KCTD2: variants seen among roughly 807,000 people sequenced by gnomAD.
KCTD2 encodes potassium channel tetramerization domain containing 2.
KCTD2 carries 18 observed loss-of-function variants against 27.9 expected under a neutral mutation model. That is an observed-to-expected ratio of 0.64 (90% CI 0.45 to 0.96). KCTD2 has a LOEUF of 0.96. Among genes scored for constraint, KCTD2 ranks in the 40% least tolerant of loss-of-function variants. The probability of loss-of-function intolerance (pLI) is 0.00; values close to 1 mark genes in which losing one functional copy is unlikely to be tolerated. For missense variants in KCTD2, 280 were observed against 348.0 expected, an observed-to-expected ratio of 0.80 and a Z score of 1.56; for synonymous variants, 175 against 148.4, an observed-to-expected ratio of 1.18 and a Z score of -1.30.
Position 75,047,609 on chromosome 17 carries a change from G to A in KCTD2, c.339+20G>A. On this transcript the variant is annotated intron_variant, in intron 1 of 5. Coordinates refer to ENST00000322444, the MANE Select transcript of KCTD2 (RefSeq NM_015353.3). The stretch of plus-strand genomic sequence containing the variant: ...GACAAGGTGTGCCCCGCCCTCGGGC[G>A]CGCCCCCGGGCCTTCGAACCCCCTG... 6.3e-7 allele frequency: 1 copy of A among 1,596,594 alleles called. No homozygotes were observed. Among genetic ancestry groups the A allele is most frequent in the Non-Finnish European group, 8.5e-7 (1 of 1,172,438 alleles).
At position 75,062,242 on chromosome 17, in the gene KCTD2, G is replaced by C; in HGVS notation, c.759G>C (p.Ala253=). Residue 253 remains alanine (A), a synonymous_variant, in exon 5 of 6, where the codon GCG becomes GCC. Transcript: ENST00000322444. Reference sequence around the variant, plus strand: ...TCGTCATAGAGCCGAGCGAAAAGGCGAAGGTAAGGAGCCCCTTCCCTGGGC... The same window carrying C: ...TCGTCATAGAGCCGAGCGAAAAGGCCAAGGTAAGGAGCCCCTTCCCTGGGC... ...NGIVIEPSEK[A]KILQERGSRM 1 of 1,611,698 alleles carries C rather than the reference G, an allele frequency of 6.2e-7. No individual in the cohort carries two copies. Among genetic ancestry groups the C allele is most frequent in the Non-Finnish European group, 8.5e-7 (1 of 1,179,100 alleles).
intron 2 of KCTD2, among the ~76,000 whole-genome samples, chr17:75,051,140 A>AT (rs1227730320): frequency 1.3e-4 from 20 of 150,628 alleles, no homozygotes; most frequent in Non-Finnish European, 2.2e-4. Flanking sequence ...CACCCAGTTA[A>AT]TTTTTTGTAT....
intron 3 of KCTD2, among the ~76,000 whole-genome samples, chr17:75,057,457 G>T (rs2073361182): frequency 6.6e-6 from 1 of 151,852 alleles, no homozygotes; most frequent in Admixed American, 6.6e-5. Flanking sequence ...AAAATAAGTG[G>T]TTACAACCAA....
intron 2 of KCTD2, chr17:75,035,107 G>C (rs1327112997): frequency 2.0e-5 from 3 of 152,236 alleles, no homozygotes; most frequent in Admixed American, 1.3e-4. Context: ...GGTAGCTGCA[G>C]CCGGAGACCG....
At chr17:75,057,299 G>A (rs1426537714) in intron 3 of KCTD2, among the ~76,000 whole-genome samples, 2 of 152,098 alleles carry the variant, frequency 1.3e-5, no homozygotes, top group East Asian at 1.9e-4. Context: ...TGATCCTGGT[G>A]CATTTGAGAG....
chr17:75,039,883 CAT>C, intron 3 of KCTD2: 1 of 595,548 alleles, frequency 1.7e-6, no homozygotes. Context: ...AAGATGGAAT[CAT>C]ATGCTATACT....
intron 2 of KCTD2, chr17:75,034,242 C>T (rs1176315417): frequency 6.6e-6 from 1 of 152,272 alleles, no homozygotes; most frequent in Non-Finnish European, 1.5e-5. Flanking sequence ...CACCCCAGCT[C>T]CACCTGGCGG....
chr17:75,044,770 A>G (rs546406394), upstream of KCTD2, among the ~76,000 whole-genome samples: 2 of 152,356 alleles, frequency 1.3e-5, no homozygotes, highest in South Asian at 4.1e-4. Context: ...GTCAGATATT[A>G]AAAGACTGCA....
upstream of KCTD2, chr17:75,047,180 C>G (rs977935239): frequency 6.8e-6 from 3 of 442,242 alleles, no homozygotes; most frequent in Non-Finnish European, 1.0e-5. Context: ...TGGGCCGGCC[C>G]GGCTCTCCCT....
At chr17:75,045,872 T>A (rs774335851), upstream of KCTD2, among the ~76,000 whole-genome samples, 4 of 152,164 alleles carry the variant, frequency 2.6e-5, no homozygotes, top group Non-Finnish European at 5.9e-5. Flanking sequence ...ACTGGGGAAG[T>A]GATAAGTGTC....
intron 3 of KCTD2, among the ~76,000 whole-genome samples, chr17:75,056,685 C>T (rs777761234): frequency 6.6e-6 from 1 of 152,156 alleles, no homozygotes; most frequent in African/African-American, 2.4e-5. Context: ...CAAAGACACC[C>T]TCTTTTATAC....
chr17:75,044,336 GC>G (rs1205041969), upstream of KCTD2, among the ~76,000 whole-genome samples: 9 of 115,470 alleles, frequency 7.8e-5, no homozygotes, highest in Non-Finnish European at 7.8e-5. Flanking sequence ...CTCCCGAGTA[GC>G]TGGGACTACA....
intron 3 of KCTD2, chr17:75,041,956 C>T (rs2073165811): frequency 2.2e-6 from 1 of 448,900 alleles, no homozygotes; most frequent in East Asian, 3.8e-5. Context: ...GATCAGAAAG[C>T]CCTCTGGCTC....
chr17:75,053,242 C>T, intron 3 of KCTD2, 137 bp downstream of exon 3: 4 of 671,706 alleles, frequency 6.0e-6, no homozygotes, highest in East Asian at 2.7e-5. Context: ...GGAATGCACA[C>T]TCAGCCAAAC....
Position 75,062,223 on chromosome 17 carries a change from T to A in KCTD2, c.740T>A (p.Ile247Lys), listed in dbSNP as rs751433744. ...AATAATTCTACCAATGGCATCGTCA[T>A]AGAGCCGAGCGAAAAGGCGAAGGTA... Reference protein sequence around the residue: ...ELNNSTNGIVIEPSEKAKILQ... With the variant: ...ELNNSTNGIVKEPSEKAKILQ... Residue 247 changes from isoleucine to lysine, a missense_variant, in exon 5 of 6, where the codon ATA becomes AAA. Coordinates refer to ENST00000322444, the MANE Select transcript of KCTD2 (RefSeq NM_015353.3). 7.4e-6 allele frequency: 12 copies of A among 1,613,274 alleles called. No individual in the cohort carries two copies. In the African/African-American group the frequency reaches 1.6e-4, roughly 22 times the overall value.
intron 2 of KCTD2, among the ~76,000 whole-genome samples, chr17:75,049,715 A>G (rs2073265466): frequency 6.6e-6 from 1 of 152,252 alleles, no homozygotes; most frequent in Non-Finnish European, 1.5e-5. Flanking sequence ...GTTTGAACTC[A>G]CAGTTGTACA....
chr17:75,033,839 A>C (rs1423460786), intron 1 of KCTD2, among the ~76,000 whole-genome samples: 3 of 152,240 alleles, frequency 2.0e-5, no homozygotes, highest in Non-Finnish European at 2.9e-5. Flanking sequence ...CGCCTCTGTC[A>C]GGCCTTCTCT....
upstream of KCTD2, among the ~76,000 whole-genome samples, chr17:75,042,960 G>A (rs535958219): frequency 4.0e-4 from 60 of 151,856 alleles, 2 homozygotes; most frequent in African/African-American, 5.3e-4. Context: ...GTGGGCTCAC[G>A]CCTGTAATCC....
chr17:75,033,454 C>T (rs1261623729), intron 1 of KCTD2, among the ~76,000 whole-genome samples: 1 of 152,078 alleles, frequency 6.6e-6, no homozygotes, highest in Non-Finnish European at 1.5e-5. Context: ...CCTGGTTGTA[C>T]ATTCCCTCAT....
Sources: allele counts gnomAD v4.1 joint callset (sites outside exome capture counted in the v4.1 genomes callset), GRCh38; gene constraint gnomAD v4.1.1; transcripts MANE v1.5; gene names NCBI Gene and HGNC (gene_info 2026-07-23, HGNC 2026-07-21).